FAM174A: variants seen among roughly 807,000 people sequenced by gnomAD.
The protein encoded by FAM174A is family with sequence similarity 174 member A.
FAM174A carries 14 observed loss-of-function variants against 14.3 expected under a neutral mutation model. The observed-to-expected ratio is 0.98, with a 90% CI of 0.65 to 1.53. The LOEUF is 1.53. Among genes scored for constraint, FAM174A ranks in the 40% most tolerant of loss-of-function variants. The pLI, the probability that FAM174A is intolerant of heterozygous loss-of-function variation, is 0.00. For missense variants in FAM174A, 241 were observed against 249.6 expected (o/e 0.97, Z 0.23); for synonymous variants, 108 against 111.4 (o/e 0.97, Z 0.19).
chr5:100,536,511 G>T (rs1200889332), intron 1 of FAM174A, among the ~76,000 whole-genome samples: 3 of 152,072 alleles, frequency 2.0e-5, no homozygotes, highest in Non-Finnish European at 4.4e-5. Flanking sequence ...TAAAATTCAG[G>T]AGAAGAAAAG....
chr5:100,563,647 C>A (rs1369765376), intron 2 of FAM174A, among the ~76,000 whole-genome samples: 1 of 151,840 alleles, frequency 6.6e-6, no homozygotes, highest in Non-Finnish European at 1.5e-5. Flanking sequence ...GTGGACCTGA[C>A]AGACATATAC....
chr5:100,539,018 G>A lies in FAM174A; in HGVS notation c.434+3054G>A, dbSNP rs114130307. 6.1e-3 allele frequency among the ~76,000 whole-genome samples: 931 copies of A among 151,978 alleles called. 13 individuals are homozygous for A. The highest frequency in any genetic ancestry group is 0.022 in the African/African-American group (894 of 41,444). On this transcript the variant is annotated intron_variant, in intron 1 of 2. Transcript: ENST00000312637. ...TTTCATGCCATGTCGTTGGTTTTTC[G>A]TTTTTTATTCAATTTGGTATATTGG...
chr5:100,561,915 A>G (rs1746530435), intron 1 of FAM174A, 139 bp from the exon 2 acceptor site: 1 of 468,212 alleles, frequency 2.1e-6, no homozygotes, highest in Admixed American at 4.2e-5. Flanking sequence ...CCTAGGTGGT[A>G]AATTTGTTGC....
intron 1 of FAM174A, among the ~76,000 whole-genome samples, chr5:100,550,746 C>A (rs1580365994): frequency 1.3e-5 from 2 of 152,108 alleles, no homozygotes; most frequent in East Asian, 3.9e-4. Flanking sequence ...AAAAGGGTTT[C>A]CTGAGGAAGT....
chr5:100,537,269 T>G (rs1745960088), intron 1 of FAM174A, among the ~76,000 whole-genome samples: 1 of 152,216 alleles, frequency 6.6e-6, no homozygotes, highest in Non-Finnish European at 1.5e-5. Context: ...TTCCTATTTT[T>G]TGTTTCTATT....
chr5:100,535,398 C>T lies in FAM174A; in HGVS notation c.-133C>T, dbSNP rs568259077. 1.7e-5 allele frequency: 16 copies of T among 953,140 alleles called. No individual in the cohort carries two copies. Among genetic ancestry groups the T allele is most frequent in the East Asian group, 4.9e-5 (2 of 40,802 alleles). The allele number at this position is 953,140 out of a possible 1,614,324, so 59.0% of individuals were successfully genotyped here. On this transcript the variant is annotated 5_prime_UTR_variant, in exon 1 of 3. Transcript: ENST00000312637. ...CAGCTGCCACTGCTGTAGCTTCTGC[C>T]ACCTGCCACGACCGGGCCTCTCCCT...
rs1239136323 is a variant in FAM174A at position 100,535,700 on chromosome 5, C to T, written c.170C>T (p.Pro57Leu). 2.5e-6 allele frequency: 4 copies of T among 1,608,448 alleles called. No individual in the cohort carries two copies. The South Asian group carries it at 3.3e-5, about 13-fold the overall frequency. The change falls in exon 1 of 3, where the codon CCA becomes CTA. Residue 57 changes from proline (P) to leucine (L), a missense_variant. Physicochemically the swap from Pro to Leu is moderately conservative, Grantham distance 98 (BLOSUM62 -3). Transcript: ENST00000312637. Reference protein sequence around the residue: ...DPRPRTLPPLPPGPTPAQQPG... With the variant: ...DPRPRTLPPLLPGPTPAQQPG... ...AGACCACGGACATTACCGCCGCTGC[C>T]ACCGGGCCCTACCCCTGCCCAGCAG...
chr5:100,563,453 T>C (rs72774695), intron 2 of FAM174A, among the ~76,000 whole-genome samples: 2,716 of 150,718 alleles, frequency 0.018, 45 homozygotes, highest in Non-Finnish European at 0.026. Flanking sequence ...CAGGAAGATA[T>C]GACAATTAGT....
chr5:100,546,677 T>A (rs532083815), intron 1 of FAM174A, among the ~76,000 whole-genome samples: 2 of 152,344 alleles, frequency 1.3e-5, no homozygotes, highest in African/African-American at 2.4e-5. Context: ...TAGCTTGAGC[T>A]GCACTATCTC....
At position 100,584,585 on chromosome 5, in the gene FAM174A, T is replaced by G. The variant is rs73774448; in HGVS notation, c.570-1596T>G. Among the ~76,000 whole-genome samples, 1,169 of 152,334 alleles carry G rather than the reference T, an allele frequency of 7.7e-3. 18 individuals are homozygous for G. The highest frequency in any genetic ancestry group is 0.026 in the African/African-American group (1,099 of 41,586). On this transcript the variant is annotated intron_variant, in intron 2 of 2. Coordinates refer to ENST00000312637, the MANE Select transcript of FAM174A (RefSeq NM_198507.3). The stretch of plus-strand genomic sequence containing the variant: ...TAGATCTTCCACCTTCCTGTTGCTT[T>G]AGATTATAATACAATGATTTTGCTT...
At chr5:100,546,962 C>A (rs912909867) in intron 1 of FAM174A, among the ~76,000 whole-genome samples, 1 of 151,906 alleles carries the variant, frequency 6.6e-6, no homozygotes, top group African/African-American at 2.4e-5. Flanking sequence ...TATTTTGACT[C>A]CTTTAGTCTT....
intron 2 of FAM174A, among the ~76,000 whole-genome samples, chr5:100,565,094 T>TA (rs149841424): frequency 0.31 from 47,129 of 151,666 alleles, 7,966 homozygotes; most frequent in African/African-American, 0.4. Context: ...CTGATGAACA[T>TA]GATACAAAAG....
At chr5:100,545,195 G>T (rs936724500) in intron 1 of FAM174A, among the ~76,000 whole-genome samples, 2 of 152,092 alleles carry the variant, frequency 1.3e-5, no homozygotes, top group African/African-American at 2.4e-5. Flanking sequence ...ACTTAGGTTT[G>T]ATCTTTTCTA....
At chr5:100,571,146 G>A (rs1167730611) in intron 2 of FAM174A, among the ~76,000 whole-genome samples, 1 of 123,794 alleles carries the variant, frequency 8.1e-6, no homozygotes, top group Non-Finnish European at 1.8e-5. Flanking sequence ...ACATATATAT[G>A]TGTGTGTATA....
intron 2 of FAM174A, among the ~76,000 whole-genome samples, chr5:100,565,651 A>G (rs1580373189): frequency 6.6e-6 from 1 of 151,768 alleles, no homozygotes; most frequent in East Asian, 1.9e-4. Flanking sequence ...ATATATCCAA[A>G]GGAAACCATT....
intron 1 of FAM174A, among the ~76,000 whole-genome samples, chr5:100,542,463 A>G (rs1013075258): frequency 2.6e-5 from 4 of 152,196 alleles, no homozygotes; most frequent in Non-Finnish European, 5.9e-5. Context: ...TTTCTTGACT[A>G]TATTGCTGCT....
At chr5:100,548,949 G>T (rs1026105254) in intron 1 of FAM174A, among the ~76,000 whole-genome samples, 1 of 151,904 alleles carries the variant, frequency 6.6e-6, no homozygotes. Flanking sequence ...CTTTAAATAT[G>T]TATACAAATA....
Position 100,536,008 on chromosome 5 carries a change from C to T in FAM174A, c.434+44C>T, listed in dbSNP as rs115404031. ...GGGGCACCCCCGTGGGCCTGAGATA[C>T]GCAGGCCGGTGATCTCCAGCAAGGC... On this transcript the variant is annotated intron_variant, in intron 1 of 2. Transcript: ENST00000312637. The T allele has an allele frequency of 9.6e-4, 1,441 of 1,502,680 alleles. 13 individuals are homozygous for T. The African/African-American group carries it at 0.017, about 18-fold the overall frequency. The allele number at this position is 1,502,680 out of a possible 1,614,324, so 93.1% of individuals were successfully genotyped here.
At chr5:100,557,501 A>G (rs1428764783) in intron 1 of FAM174A, among the ~76,000 whole-genome samples, 2 of 152,290 alleles carry the variant, frequency 1.3e-5, no homozygotes, top group Non-Finnish European at 2.9e-5. Context: ...GAATAGTTTC[A>G]GAAGGAATGG....
Sources: gnomAD v4.1 joint callset for allele counts (sites outside exome capture counted in the v4.1 genomes callset) on GRCh38, gnomAD v4.1.1 for gene constraint, MANE v1.5 for transcripts, NCBI Gene and HGNC (gene_info 2026-07-23, HGNC 2026-07-21) for gene names.